Variants in ARID2 observed in about 807,000 individuals in gnomAD.
The protein encoded by ARID2 is AT-rich interaction domain 2, also known as AT-rich interactive domain-containing protein 2.
A neutral mutation model predicts 184.6 loss-of-function variants in ARID2; 32 were observed. The observed-to-expected ratio is 0.17, with a 90% CI of 0.13 to 0.23. The LOEUF (loss-of-function observed/expected upper bound fraction) is 0.23. Among genes scored for constraint, ARID2 ranks in the 10% least tolerant of loss-of-function variants. The pLI, the probability that ARID2 is intolerant of heterozygous loss-of-function variation, is 1.00. For missense variants in ARID2, 1,696 were observed against 2,197.6 expected (o/e 0.77, Z 4.56); for synonymous variants, 836 against 772.6 (o/e 1.08, Z -1.36).
At chr12:45,760,343 CATATG>C (rs1233869032) in intron 3 of ARID2, among the ~76,000 whole-genome samples, 5 of 152,182 alleles carry the variant, frequency 3.3e-5, no homozygotes, top group Non-Finnish European at 5.9e-5. Flanking sequence ...TCACATACGT[CATATG>C]ATATCAGACT....
chr12:45,828,417 A>C (rs542786322), intron 6 of ARID2, among the ~76,000 whole-genome samples: 2 of 152,096 alleles, frequency 1.3e-5, no homozygotes, highest in Admixed American at 6.6e-5. Flanking sequence ...TAATTTTGCT[A>C]TGAAGGGTTT....
intron 6 of ARID2, among the ~76,000 whole-genome samples, chr12:45,831,878 T>C (rs1321143463): frequency 6.6e-6 from 1 of 152,254 alleles, no homozygotes; most frequent in Admixed American, 6.5e-5. Flanking sequence ...GAATTAACTT[T>C]TAAAAAACAT....
At position 45,838,732 on chromosome 12, in the gene ARID2, T is replaced by A. The variant is rs1208992377; in HGVS notation, c.1331-597T>A. 2.0e-5 allele frequency among the ~76,000 whole-genome samples: 3 copies of A among 151,962 alleles called. No individual in the cohort carries two copies. The East Asian group carries it at 5.8e-4, about 29-fold the overall frequency. Reference sequence around the variant, plus strand: ...CAGTGAGCTGTGATCGTGCCAGCACTCCAGCCTGGGTGACAGAACAAGATC... The same window carrying A: ...CAGTGAGCTGTGATCGTGCCAGCACACCAGCCTGGGTGACAGAACAAGATC... On this transcript the variant is annotated intron_variant, in intron 10 of 20. Transcript: ENST00000334344.
chr12:45,775,144 T>C (rs1267816987), intron 3 of ARID2, among the ~76,000 whole-genome samples: 3 of 152,208 alleles, frequency 2.0e-5, no homozygotes, highest in African/African-American at 7.2e-5. Context: ...CCATGATTCT[T>C]GCAGGTTTGA....
chr12:45,850,705 T>C lies in ARID2; in HGVS notation c.2582T>C (p.Ile861Thr), dbSNP rs2138164418. Residue 861 changes from isoleucine to threonine, a missense_variant, in exon 15 of 21, where the codon ATT (isoleucine) becomes ACT (threonine). This residue lies in a region of ARID2 where 713 missense variants were observed against 824.4 expected (regional missense o/e 0.86). Coordinates refer to ENST00000334344, the MANE Select transcript of ARID2 (RefSeq NM_152641.4). ...TATGTAACAACTTCTGCATCCAATA[T>C]TGTCTCAGCAACTTCAGTACAGAAT... ...PQYVTTSASNIVSATSVQNFQ... is the reference protein window; with the variant it reads ...PQYVTTSASNTVSATSVQNFQ... 6.2e-7 allele frequency: 1 copy of C among 1,614,064 alleles called. No homozygotes were observed. The highest frequency in any genetic ancestry group is 8.5e-7 in the Non-Finnish European group (1 of 1,179,964).
intron 3 of ARID2, among the ~76,000 whole-genome samples, chr12:45,784,463 A>G (rs1942156654): frequency 6.6e-6 from 1 of 152,222 alleles, no homozygotes. Context: ...AGAAAAACTT[A>G]AATGAAGCTG....
intron 3 of ARID2, among the ~76,000 whole-genome samples, chr12:45,750,199 G>A (rs1287764557): frequency 4.6e-5 from 7 of 152,138 alleles, no homozygotes; most frequent in Admixed American, 4.6e-4. Flanking sequence ...TTTCAATATA[G>A]TTGTGTCTCA....
At position 45,907,321 on chromosome 12, in the gene ARID2, C is replaced by T. The variant is rs1944542179; in HGVS notation, c.*2243C>T. The T allele has an allele frequency of 4.3e-6, 1 of 233,118 alleles. No homozygotes were observed. Among genetic ancestry groups the T allele is most frequent in the Non-Finnish European group, 8.5e-6 (1 of 117,890 alleles). The allele number at this position is 233,118 out of a possible 1,614,324, so 14.4% of individuals were successfully genotyped here. A position where few individuals can be genotyped will look rare whatever the true frequency, so the allele number is the denominator to read the frequency against. On this transcript the variant is annotated 3_prime_UTR_variant, in exon 21 of 21. Coordinates refer to ENST00000334344, the MANE Select transcript of ARID2 (RefSeq NM_152641.4). ...ACGTTTATTTGAAAGATAATGTCTT[C>T]TCAAAATCAGAAACTGCAGTGGTAA...
intron 16 of ARID2, among the ~76,000 whole-genome samples, chr12:45,865,868 A>T (rs1165873919): frequency 6.6e-6 from 1 of 152,154 alleles, no homozygotes. Flanking sequence ...GTTTCATCAG[A>T]TGCTACTCAA....
intron 3 of ARID2, among the ~76,000 whole-genome samples, chr12:45,800,203 G>A (rs1942470593): frequency 6.6e-6 from 1 of 151,928 alleles, no homozygotes; most frequent in Non-Finnish European, 1.5e-5. Flanking sequence ...AAAAATATAA[G>A]TAATAATAAA....
In ARID2 at chr12:45,851,271, G is replaced by T. The variant is rs2138169564; in HGVS notation, c.3148G>T (p.Gly1050Cys). Residue 1050 changes from glycine (G) to cysteine (C), a missense_variant, in exon 15 of 21, where the codon GGT becomes TGT. This residue lies in a region of ARID2 where 713 missense variants were observed against 824.4 expected (regional missense o/e 0.86). Coordinates refer to ENST00000334344, the MANE Select transcript of ARID2 (RefSeq NM_152641.4). ...VQPQQSNAGV[G>C]QPASGESSLI... ...ACCTCAACAGTCGAATGCAGGAGTT[G>T]GTCAGCCTGCCTCTGGTGAGTCGAG... 1 of 1,614,160 alleles carries T rather than the reference G, an allele frequency of 6.2e-7. No individual in the cohort carries two copies. Among genetic ancestry groups the T allele is most frequent in the Non-Finnish European group, 8.5e-7 (1 of 1,180,016 alleles).
At position 45,793,543 on chromosome 12, in the gene ARID2, C is replaced by CTGTG. The variant is rs544399975; in HGVS notation, c.285-17857_285-17854dup. ...TATATATATAACTGCCTTTATGTAA[C>CTGTG]TGTGTGTGTGTGTGTGTGTGTATAT... On this transcript the variant is annotated intron_variant, in intron 3 of 20. Coordinates refer to ENST00000334344, the MANE Select transcript of ARID2 (RefSeq NM_152641.4). Among the ~76,000 whole-genome samples the CTGTG allele has an allele frequency of 2.5e-3, 370 of 148,210 alleles. 12 individuals carry two copies. The South Asian group carries it at 0.068, about 27-fold the overall frequency.
chr12:45,849,731 C>G lies in ARID2; in HGVS notation c.1867C>G (p.Arg623Gly), dbSNP rs140086050. Residue 623 changes from arginine to glycine, a missense_variant, in exon 14 of 21, where the codon CGT becomes GGT. Arg to Gly is a moderately radical substitution (Grantham distance 125). Around this residue, in one of 11 missense-constraint regions of ARID2, gnomAD observed 713 missense variants for 824.4 expected, o/e 0.86. Transcript: ENST00000334344. ...GCAACCAGTTTCTACTTCTGTTGTT[C>G]GTGTTGATTCTGTTCCTGATGTATC... The part of the protein sequence containing the change: ...QQQPVSTSVV[R>G]VDSVPDVSPA... The G allele has an allele frequency of 6.2e-7, 1 of 1,613,592 alleles. No individual in the cohort carries two copies. Among genetic ancestry groups the G allele is most frequent in the African/African-American group, 1.3e-5 (1 of 75,006 alleles).
chr12:45,800,983 TACTC>T (rs1942487022), intron 3 of ARID2, among the ~76,000 whole-genome samples: 1 of 152,140 alleles, frequency 6.6e-6, no homozygotes, highest in Admixed American at 6.5e-5. Flanking sequence ...GGATGGAAAG[TACTC>T]ACAGTCGAAT....
intron 16 of ARID2, among the ~76,000 whole-genome samples, chr12:45,891,026 A>C (rs1944293418): frequency 6.6e-6 from 1 of 152,094 alleles, no homozygotes; most frequent in Non-Finnish European, 1.5e-5. Flanking sequence ...TTAGCCGCGC[A>C]TGGTGGCATG....
rs1943567118 is a variant in ARID2 at position 45,852,317 on chromosome 12, T to A, written c.4194T>A (p.Thr1398=). ...TATCTCCAATGGAACCACAAGGGAC[T>A]TTAGATATCACTCAGCAAGATACTG... ...GEISPMEPQG[T]LDITQQDTAK... The change falls in exon 15 of 21, where the codon ACT becomes ACA. Residue 1398 remains threonine, a synonymous_variant. Coordinates refer to ENST00000334344, the MANE Select transcript of ARID2 (RefSeq NM_152641.4). The A allele has an allele frequency of 6.2e-7, 1 of 1,614,074 alleles. No individual in the cohort carries two copies. The highest frequency in any genetic ancestry group is 1.3e-5 in the African/African-American group (1 of 74,946).
intron 20 of ARID2, among the ~76,000 whole-genome samples, chr12:45,901,623 C>T (rs1340529697): frequency 6.6e-6 from 1 of 151,896 alleles, no homozygotes; most frequent in African/African-American, 2.4e-5. Flanking sequence ...TTACTCTTTC[C>T]TTGTAATTCC....
In ARID2 at chr12:45,851,840, T is replaced by C; in HGVS notation, c.3717T>C (p.Gly1239=). The C allele has an allele frequency of 6.2e-7, 1 of 1,613,986 alleles. No homozygotes were observed. The highest frequency in any genetic ancestry group is 8.5e-7 in the Non-Finnish European group (1 of 1,179,978). ...CTACTGCTACTCCCCCATTCAAAGG[T>C]GATAAAATAATTTGCCAAAAGGAGG... The part of the protein sequence containing the change: ...SCTTATPPFK[G]DKIICQKEEE... Residue 1239 remains glycine, a synonymous_variant, in exon 15 of 21, where the codon GGT becomes GGC. Coordinates refer to ENST00000334344, the MANE Select transcript of ARID2 (RefSeq NM_152641.4).
chr12:45,906,453 A>G lies in ARID2; in HGVS notation c.*1375A>G, dbSNP rs1367329330. ...GCTGTGTCCTTAGGATGTGCAGTAA[A>G]AAATATAGACCTAACAGTTTATGTT... On this transcript the variant is annotated 3_prime_UTR_variant, in exon 21 of 21. Coordinates refer to ENST00000334344, the MANE Select transcript of ARID2 (RefSeq NM_152641.4). The G allele has an allele frequency of 4.3e-6, 1 of 232,852 alleles. No homozygotes were observed. Among genetic ancestry groups the G allele is most frequent in the Admixed American group, 5.6e-5 (1 of 17,756 alleles). 14.4% of individuals were successfully genotyped at this position (232,852 alleles called of 1,614,324 possible). A position where few individuals can be genotyped will look rare whatever the true frequency, so the allele number is the denominator to read the frequency against.
Sources: gnomAD v4.1 joint callset for allele counts (sites outside exome capture counted in the v4.1 genomes callset) on GRCh38, gnomAD v4.1.1 for gene constraint, gnomAD v4.1.1 regional missense constraint, MANE v1.5 for transcripts, NCBI Gene and HGNC (gene_info 2026-07-23, HGNC 2026-07-21) for gene names.